GAMT: variants seen among roughly 807,000 people sequenced by gnomAD.
GAMT encodes epididymis secretory protein Li 20.
In GAMT, 26 loss-of-function variants were observed where a neutral mutation model predicts 26.9. The ratio of observed to expected loss-of-function variants is 0.97; its 90% CI spans 0.71 to 1.34. The LOEUF is 1.34. GAMT is among the 40% of genes most tolerant of loss of function. The probability of loss-of-function intolerance (pLI) is 0.00; values close to 1 mark genes in which losing one functional copy is unlikely to be tolerated. For synonymous variants in GAMT, 169 were observed against 149.6 expected (o/e 1.13, Z -0.95); for missense variants, 412 against 345.0 (o/e 1.19, Z -1.54).
At position 1,399,046 on chromosome 19, in the gene GAMT, A is replaced by G. The variant is rs2082617701; in HGVS notation, c.460-20T>C. ...GTGGTTCTGTGGAAGGGGAGTGGCC[A>G]GTGGTCAGGACGGAGGTGGGGGTGT... is the stretch of plus-strand genomic sequence containing the variant. On this transcript the variant is annotated intron_variant, in intron 4 of 5. Coordinates refer to ENST00000252288, the MANE Select transcript of GAMT (RefSeq NM_000156.6). This position sits in a 1 kb window ranked among gnomAD's most constrained non-coding sequence, Gnocchi z 6.2. 6.2e-7 allele frequency: 1 copy of G among 1,613,342 alleles called. No homozygotes were observed. Among genetic ancestry groups the G allele is most frequent in the East Asian group, 2.2e-5 (1 of 44,884 alleles).
Position 1,399,757 on chromosome 19 carries a change from G to C in GAMT, c.327+36C>G. On this transcript the variant is annotated intron_variant, in intron 2 of 5. Coordinates refer to ENST00000252288, the MANE Select transcript of GAMT (RefSeq NM_000156.6). This position sits in a 1 kb window ranked among gnomAD's most constrained non-coding sequence, Gnocchi z 6.2. ...GGAAGCAGTGCCCTCACCCCAAGGA[G>C]TGGGGGTCCTGGAGGGCCTGCGGGC... is the stretch of plus-strand genomic sequence containing the variant. The C allele has an allele frequency of 6.5e-7, 1 of 1,541,804 alleles. No individual in the cohort carries two copies. Among genetic ancestry groups the C allele is most frequent in the South Asian group, 1.2e-5 (1 of 84,146 alleles).
At position 1,397,248 on chromosome 19, in the gene GAMT, A is replaced by G. The variant is rs1002726509; in HGVS notation, c.*111T>C. ...GGACCCCTCACAGAGAAGCCGGGAAAGCTTCTGGTGACACACAGCTGGGAT... is the reference window on the plus strand; with the variant it reads ...GGACCCCTCACAGAGAAGCCGGGAAGGCTTCTGGTGACACACAGCTGGGAT... On this transcript the variant is annotated 3_prime_UTR_variant, in exon 6 of 6. Transcript: ENST00000252288. 91 of 1,320,126 alleles carry G rather than the reference A, an allele frequency of 6.9e-5. No homozygotes were observed. The highest frequency in any genetic ancestry group is 8.9e-5 in the Non-Finnish European group (85 of 960,096). The allele number at this position is 1,320,126 out of a possible 1,614,324, so 81.8% of individuals were successfully genotyped here.
At chr19:1,398,088 T>G (rs1473489771) in intron 5 of GAMT, 1 of 994,024 alleles carries the variant, frequency 1.0e-6, no homozygotes, top group African/African-American at 1.7e-5. Context: ...GGGACTTTGA[T>G]TTCCATTTTT....
chr19:1,397,103 C>A lies in GAMT; in HGVS notation c.*256G>T. On this transcript the variant is annotated 3_prime_UTR_variant, in exon 6 of 6. Coordinates refer to ENST00000252288, the MANE Select transcript of GAMT (RefSeq NM_000156.6). ...CAGTCGCACGCTCACTGCCGACTGG[C>A]CAAGCCCAGCGCCGGCGTTTACTTC... 1 of 518,246 alleles carries A rather than the reference C, an allele frequency of 1.9e-6. No homozygotes were observed. Among genetic ancestry groups the A allele is most frequent in the Non-Finnish European group, 3.5e-6 (1 of 287,562 alleles). The allele number at this position is 518,246 out of a possible 1,614,324, so 32.1% of individuals were successfully genotyped here.
At chr19:1,398,540 A>G (rs2082613804) in intron 5 of GAMT, 3 of 602,908 alleles carry the variant, frequency 5.0e-6, no homozygotes, top group East Asian at 2.8e-5. Flanking sequence ...GGCCCAAGCA[A>G]TCCTCCTACC....
In GAMT at chr19:1,401,472, C is replaced by A. The variant is rs1569009318; in HGVS notation, c.5G>T (p.Ser2Ile). 1 of 1,359,622 alleles carries A rather than the reference C, an allele frequency of 7.4e-7. No individual in the cohort carries two copies. Among genetic ancestry groups the A allele is most frequent in the Non-Finnish European group, 9.5e-7 (1 of 1,055,348 alleles). 84.2% of individuals were successfully genotyped at this position (1,359,622 alleles called of 1,614,324 possible). ...GAAGATGGGGGTCGCGCTGGGGGCGCTCATGCTGCAGGCTGGACGGCGACC... is the reference window on the plus strand; with the variant it reads ...GAAGATGGGGGTCGCGCTGGGGGCGATCATGCTGCAGGCTGGACGGCGACC... The part of the protein sequence containing the change: M[S>I]APSATPIFAP... The change falls in exon 1 of 6, where the codon AGC becomes ATC. Residue 2 changes from serine to isoleucine, a missense_variant. Coordinates refer to ENST00000252288, the MANE Select transcript of GAMT (RefSeq NM_000156.6).
In GAMT at chr19:1,397,416, G is replaced by A. The variant is rs561375487; in HGVS notation, c.654C>T (p.Ala218=). The part of the protein sequence containing the change: ...RTEVMALVPP[A]DCRYYAFPQM... ...GTGGGAAGGCGTAGTAGCGGCAGTCGGCCGGTGGGACCAGCGCCATCACCT... is the reference window on the plus strand; with the variant it reads ...GTGGGAAGGCGTAGTAGCGGCAGTCAGCCGGTGGGACCAGCGCCATCACCT... The change falls in exon 6 of 6, where the codon GCC becomes GCT. Residue 218 remains alanine (A), a synonymous_variant. Coordinates refer to ENST00000252288, the MANE Select transcript of GAMT (RefSeq NM_000156.6). 20 of 1,611,656 alleles carry A rather than the reference G, an allele frequency of 1.2e-5. 2 individuals carry two copies. The highest frequency in any genetic ancestry group is 8.3e-5 in the Admixed American group (5 of 60,010).
At chr19:1,397,792 A>T in intron 5 of GAMT, 1 of 1,315,982 alleles carries the variant, frequency 7.6e-7, no homozygotes, top group Non-Finnish European at 9.8e-7. Flanking sequence ...GGGTGGAGCC[A>T]AAGAATCACA....
intron 5 of GAMT, chr19:1,398,499 G>A (rs558574397): frequency 2.3e-5 from 13 of 558,162 alleles, no homozygotes; most frequent in East Asian, 1.2e-4. Flanking sequence ...GCAGTGGTTC[G>A]ATCTGGGCTC....
chr19:1,397,365 T>A lies in GAMT; in HGVS notation c.705A>T (p.Lys235Asn), dbSNP rs199932947. 21 of 1,611,398 alleles carry A rather than the reference T, an allele frequency of 1.3e-5. No homozygotes were observed. The East Asian group carries it at 4.0e-4, about 31-fold the overall frequency. Reference protein sequence around the residue: ...FPQMITPLVTKG With the variant: ...FPQMITPLVTNG ...GCCGGGCCGGGGTGGGGGCTCAGCCTTTGGTCACCAGGGGCGTGATCATCT... is the reference window on the plus strand; with the variant it reads ...GCCGGGCCGGGGTGGGGGCTCAGCCATTGGTCACCAGGGGCGTGATCATCT... The change falls in exon 6 of 6, where the codon AAA becomes AAT. Residue 235 changes from lysine (K) to asparagine (N), a missense_variant. Lys to Asn is a moderately conservative substitution (Grantham distance 94, BLOSUM62 0). Transcript: ENST00000252288.
Position 1,399,316 on chromosome 19 carries a change from C to T in GAMT, c.392-121G>A, listed in dbSNP as rs974222710. On this transcript the variant is annotated intron_variant, in intron 3 of 5. Coordinates refer to ENST00000252288, the MANE Select transcript of GAMT (RefSeq NM_000156.6). This position sits in a 1 kb window ranked among gnomAD's most constrained non-coding sequence, Gnocchi z 6.2. ...GACGGGGCCGTGGGTAGAGGTGGGG[C>T]TCCCACACAGGCTTGAGAACCCCGA... The T allele has an allele frequency of 4.1e-5, 49 of 1,202,068 alleles. No homozygotes were observed. The highest frequency in any genetic ancestry group is 3.7e-4 in the South Asian group (30 of 80,798). The allele number at this position is 1,202,068 out of a possible 1,614,324, so 74.5% of individuals were successfully genotyped here.
In GAMT at chr19:1,399,812, GC is replaced by G. The variant is rs2082622867; in HGVS notation, c.307del (p.Ala103ProfsTer11). The G allele has an allele frequency of 2.5e-6, 4 of 1,574,224 alleles. No homozygotes were observed. The highest frequency in any genetic ancestry group is 2.6e-6 in the Non-Finnish European group (3 of 1,160,682). On this transcript the variant is annotated frameshift_variant, in exon 2 of 6. Coordinates refer to ENST00000252288, the MANE Select transcript of GAMT (RefSeq NM_000156.6). LOFTEE classifies it high-confidence loss of function. This position sits in a 1 kb window ranked among gnomAD's most constrained non-coding sequence, Gnocchi z 6.2. ...GGGCACCTTGTGTGTCTGCCGTGGGGCCCAGTCCCGGAGCCGCTGGAAGACG... is the reference window on the plus strand; with the variant it reads ...GGGCACCTTGTGTGTCTGCCGTGGGGCCAGTCCCGGAGCCGCTGGAAGACG... ...DGVFQRLRDW[A>X]PRQTHKVIPL...
Position 1,399,274 on chromosome 19 carries a change from G to C in GAMT, c.392-79C>G. 1 of 1,502,620 alleles carries C rather than the reference G, an allele frequency of 6.7e-7. No homozygotes were observed. Among genetic ancestry groups the C allele is most frequent in the Non-Finnish European group, 9.3e-7 (1 of 1,080,300 alleles). 93.1% of individuals were successfully genotyped at this position (1,502,620 alleles called of 1,614,324 possible). The stretch of plus-strand genomic sequence containing the variant: ...AGCCTCACCCGGCTCATCCCCCAGC[G>C]GGTGGAGGTGCAGTGAGACGGGGCC... On this transcript the variant is annotated intron_variant, in intron 3 of 5. Coordinates refer to ENST00000252288, the MANE Select transcript of GAMT (RefSeq NM_000156.6). This position sits in a 1 kb window ranked among gnomAD's most constrained non-coding sequence, Gnocchi z 6.2.
chr19:1,398,618 T>TG, intron 5 of GAMT: 1 of 876,336 alleles, frequency 1.1e-6, no homozygotes, highest in Non-Finnish European at 1.7e-6. Context: ...TGTATTTTTT[T>TG]TTTTTAGGAA....
rs746741769 is a variant in GAMT, at chr19:1,399,615, G to A, written c.328-28C>T. 3.7e-6 allele frequency: 6 copies of A among 1,604,412 alleles called. No homozygotes were observed. Among genetic ancestry groups the A allele is most frequent in the South Asian group, 2.2e-5 (2 of 90,142 alleles). On this transcript the variant is annotated intron_variant, in intron 2 of 5. Transcript: ENST00000252288. The surrounding 1 kb of genome is among the most constrained non-coding windows in gnomAD (Gnocchi z 6.2). ...TGCAGAGGGGAAAAGAAAAAGAGAG[G>A]ACAGGGTAGAGAGGTCCCCAGGATC...
Position 1,399,828 on chromosome 19 carries a change from G to T in GAMT, c.292C>A (p.Arg98=). 2 of 1,584,788 alleles carry T rather than the reference G, an allele frequency of 1.3e-6. No homozygotes were observed. The highest frequency in any genetic ancestry group is 1.7e-6 in the Non-Finnish European group (2 of 1,166,226). ...TGCCGTGGGGCCCAGTCCCGGAGCC[G>T]CTGGAAGACGCCGTCATTGCACTCG... ...IIECNDGVFQ[R]LRDWAPRQTH... is the part of the protein sequence containing the mutation. Residue 98 remains arginine (R), a synonymous_variant, in exon 2 of 6, where the codon CGG becomes AGG. Coordinates refer to ENST00000252288, the MANE Select transcript of GAMT (RefSeq NM_000156.6). This position sits in a 1 kb window ranked among gnomAD's most constrained non-coding sequence, Gnocchi z 6.2.
In GAMT at chr19:1,399,372, C is replaced by T; in HGVS notation, c.391+152G>A. On this transcript the variant is annotated intron_variant, in intron 3 of 5. Coordinates refer to ENST00000252288, the MANE Select transcript of GAMT (RefSeq NM_000156.6). The surrounding 1 kb of genome is among the most constrained non-coding windows in gnomAD (Gnocchi z 6.2). ...CCTCCAGGGCCCCTCCGTGAGCATG[C>T]CCATCCCCGGTGCTCCGCCATCCCA... The T allele has an allele frequency of 2.0e-6, 2 of 1,004,340 alleles. No homozygotes were observed. Among genetic ancestry groups the T allele is most frequent in the Admixed American group, 2.0e-5 (1 of 49,820 alleles). The allele number at this position is 1,004,340 out of a possible 1,614,324, so 62.2% of individuals were successfully genotyped here.
At chr19:1,400,754 A>G (rs896485930) in intron 1 of GAMT, among the ~76,000 whole-genome samples, 3 of 152,136 alleles carry the variant, frequency 2.0e-5, no homozygotes, top group African/African-American at 7.2e-5. Context: ...TCAGGGTGGG[A>G]ACACTGAGGC....
In GAMT at chr19:1,399,877, C is replaced by A. The variant is rs1048118950; in HGVS notation, c.243G>T (p.Ala81=). The change falls in exon 2 of 6, where the codon GCG becomes GCT. Residue 81 remains alanine (A), a synonymous_variant. Transcript: ENST00000252288. This position sits in a 1 kb window ranked among gnomAD's most constrained non-coding sequence, Gnocchi z 6.2. The part of the protein sequence containing the change: ...MAIAASKVQE[A]PIDEHWIIEC... ...CGATGATCCAATGCTCATCAATGGGCGCCTCCTGCACCTTTGACGCTGCGA... is the reference window on the plus strand; with the variant it reads ...CGATGATCCAATGCTCATCAATGGGAGCCTCCTGCACCTTTGACGCTGCGA... 1 of 1,605,838 alleles carries A rather than the reference C, an allele frequency of 6.2e-7. No individual in the cohort carries two copies. Among genetic ancestry groups the A allele is most frequent in the South Asian group, 1.1e-5 (1 of 89,512 alleles).
Sources: allele counts gnomAD v4.1 joint callset (sites outside exome capture counted in the v4.1 genomes callset), GRCh38; gene constraint gnomAD v4.1.1; non-coding constraint Gnocchi (gnomAD v3.1); transcripts MANE v1.5; gene names NCBI Gene and HGNC (gene_info 2026-07-23, HGNC 2026-07-21).